Variants in MEGF11 observed in about 807,000 individuals in gnomAD.
MEGF11 encodes multiple EGF like domains 11.
In MEGF11, 126 loss-of-function variants were observed where a neutral mutation model predicts 146.6. That is an observed-to-expected ratio of 0.86 (90% confidence interval 0.74 to 1.00). The LOEUF is 1.00. Among genes scored for constraint, MEGF11 ranks in the 50% least tolerant of loss-of-function variants. The probability of loss-of-function intolerance (pLI) is 0.00; values close to 1 mark genes in which losing one functional copy is unlikely to be tolerated. For missense variants in MEGF11, 1,509 were observed against 1,521.2 expected, an observed-to-expected ratio of 0.99 and a Z score of 0.13; for synonymous variants, 532 against 583.4, an observed-to-expected ratio of 0.91 and a Z score of 1.27.
chr15:66,008,119 A>G (rs2140093354), intron 5 of MEGF11, among the ~76,000 whole-genome samples: 1 of 152,296 alleles, frequency 6.6e-6, no homozygotes, highest in Middle Eastern at 3.4e-3. Flanking sequence ...AACAGGAACC[A>G]CACACTTCAC....
chr15:66,115,165 C>T (rs935420494), intron 4 of MEGF11, among the ~76,000 whole-genome samples: 4 of 152,246 alleles, frequency 2.6e-5, no homozygotes, highest in Non-Finnish European at 4.4e-5. Flanking sequence ...AGGTGATGTT[C>T]TTGTGCAGGA....
At chr15:66,225,437 G>A (rs768295915) in intron 1 of MEGF11, among the ~76,000 whole-genome samples, 5 of 152,320 alleles carry the variant, frequency 3.3e-5, no homozygotes, top group South Asian at 4.1e-4. Flanking sequence ...AGTGAGGAGC[G>A]GGGAGACCAG....
At chr15:66,164,741 C>A (rs1036897133) in intron 1 of MEGF11, among the ~76,000 whole-genome samples, 2 of 152,224 alleles carry the variant, frequency 1.3e-5, no homozygotes, top group Non-Finnish European at 2.9e-5. Context: ...TGGGACAGAA[C>A]CTACTAGAGC....
At chr15:65,957,305 C>A (rs2080684889) in intron 10 of MEGF11, among the ~76,000 whole-genome samples, 1 of 152,172 alleles carries the variant, frequency 6.6e-6, no homozygotes, top group South Asian at 2.1e-4. Flanking sequence ...GAGCTGGGCA[C>A]AAAGGAAGGC....
intron 1 of MEGF11, among the ~76,000 whole-genome samples, chr15:66,138,022 G>A (rs1270722696): frequency 5.9e-5 from 9 of 152,160 alleles, no homozygotes; most frequent in Non-Finnish European, 1.3e-4. Flanking sequence ...TTGTGCCACT[G>A]GGTGAGATCC....
At chr15:66,168,801 T>G (rs7182372) in intron 1 of MEGF11, among the ~76,000 whole-genome samples, 1 of 152,318 alleles carries the variant, frequency 6.6e-6, no homozygotes, top group East Asian at 1.9e-4. Context: ...CAGCCTGGCC[T>G]ACATAGTGAA....
intron 24 of MEGF11, among the ~76,000 whole-genome samples, chr15:65,900,524 T>C (rs2078468786): frequency 6.6e-6 from 1 of 152,258 alleles, no homozygotes; most frequent in Non-Finnish European, 1.5e-5. Context: ...CAGCAGATAG[T>C]ATTTCCTCAA....
chr15:66,066,703 A>G (rs999664828), intron 5 of MEGF11, among the ~76,000 whole-genome samples: 1 of 152,232 alleles, frequency 6.6e-6, no homozygotes, highest in African/African-American at 2.4e-5. Context: ...AGGTCTCTGG[A>G]TGCCAGCCAG....
At chr15:66,069,446 C>T (rs966332295) in intron 5 of MEGF11, among the ~76,000 whole-genome samples, 1 of 152,196 alleles carries the variant, frequency 6.6e-6, no homozygotes, top group Non-Finnish European at 1.5e-5. Context: ...TTACATGTAA[C>T]ACCTTATCTA....
intron 1 of MEGF11, among the ~76,000 whole-genome samples, chr15:66,250,558 G>A (rs913930818): frequency 2.0e-5 from 3 of 152,196 alleles, no homozygotes; most frequent in Non-Finnish European, 2.9e-5. Flanking sequence ...TGCTGACTAC[G>A]TGTTCCTGCC....
intron 5 of MEGF11, among the ~76,000 whole-genome samples, chr15:66,077,689 G>A (rs1023476578): frequency 6.6e-6 from 1 of 152,232 alleles, no homozygotes; most frequent in African/African-American, 2.4e-5. Context: ...GGCCTCAGGG[G>A]ATACGGGTGA....
intron 1 of MEGF11, among the ~76,000 whole-genome samples, chr15:66,171,750 T>C (rs929978338): frequency 3.6e-5 from 5 of 139,146 alleles, no homozygotes; most frequent in Admixed American, 3.0e-4. Flanking sequence ...CTCACTACCA[T>C]GCGCATTTTC....
intron 1 of MEGF11, among the ~76,000 whole-genome samples, chr15:66,197,451 C>T (rs2091036003): frequency 6.6e-6 from 1 of 152,144 alleles, no homozygotes; most frequent in Non-Finnish European, 1.5e-5. Context: ...TGAGACGAGT[C>T]TCGCTCTATC....
intron 5 of MEGF11, among the ~76,000 whole-genome samples, chr15:66,072,283 C>T (rs1170662146): frequency 6.6e-6 from 1 of 152,148 alleles, no homozygotes; most frequent in Non-Finnish European, 1.5e-5. Flanking sequence ...ACACAAAGCT[C>T]CCCTAGTTTT....
intron 10 of MEGF11, among the ~76,000 whole-genome samples, chr15:65,942,403 C>T (rs2080026942): frequency 6.6e-6 from 1 of 152,150 alleles, no homozygotes. Context: ...TAGGAAGCTC[C>T]TGAAGTACAA....
chr15:66,025,227 C>A (rs1026898464), intron 5 of MEGF11, among the ~76,000 whole-genome samples: 1 of 152,204 alleles, frequency 6.6e-6, no homozygotes, highest in African/African-American at 2.4e-5. Flanking sequence ...GAAAACACAC[C>A]CGCATTCTCC....
At chr15:66,045,179 A>G (rs1374704339) in intron 5 of MEGF11, among the ~76,000 whole-genome samples, 4 of 152,220 alleles carry the variant, frequency 2.6e-5, no homozygotes, top group African/African-American at 9.6e-5. Context: ...CCTTCATGAG[A>G]GATTCAGCAA....
intron 5 of MEGF11, among the ~76,000 whole-genome samples, chr15:66,011,894 G>C (rs2082722116): frequency 6.6e-6 from 1 of 152,088 alleles, no homozygotes; most frequent in Non-Finnish European, 1.5e-5. Flanking sequence ...GAACACAATA[G>C]CACATAAATT....
chr15:66,034,742 TCCCCAAAA>T (rs1219840113), intron 5 of MEGF11, among the ~76,000 whole-genome samples: 22 of 152,276 alleles, frequency 1.4e-4, no homozygotes, highest in Non-Finnish European at 2.9e-4. Flanking sequence ...TTGAATGTGT[TCCCCAAAA>T]GTTTATGTGT....
Sources: allele counts gnomAD v4.1 joint callset (sites outside exome capture counted in the v4.1 genomes callset), GRCh38; gene constraint gnomAD v4.1.1; transcripts MANE v1.5; gene names NCBI Gene and HGNC (gene_info 2026-07-23, HGNC 2026-07-21).